Variants in KCMF1 observed in about 807,000 individuals in gnomAD.
KCMF1 encodes E3 ubiquitin-protein ligase KCMF1.
A neutral mutation model predicts 41.1 loss-of-function variants in KCMF1; 3 were observed. That is an observed-to-expected ratio of 0.07 (90% CI 0.03 to 0.19). The LOEUF (loss-of-function observed/expected upper bound fraction) is 0.19, where lower values mean the gene tolerates loss of function less well. Among genes scored for constraint, KCMF1 ranks in the 10% least tolerant of loss-of-function variants. The pLI is 1.00. For synonymous variants in KCMF1, 142 were observed against 164.5 expected, an observed-to-expected ratio of 0.86 and a Z score of 1.04; for missense variants, 286 against 488.9, an observed-to-expected ratio of 0.58 and a Z score of 3.91.
intron 2 of KCMF1, 34 bp from the exon 3 acceptor site, chr2:85,034,982 A>G: frequency 9.7e-6 from 15 of 1,546,402 alleles, no homozygotes; most frequent in Non-Finnish European, 1.3e-5. Context: ...TTAAAAACTA[A>G]TATTCCTCAA....
rs1009576075 is a variant in KCMF1, at chr2:85,017,734, C to T, written c.17-10155C>T. ...TGCCCTTTGTTGACCTTTTCTTTCC[C>T]ATCAACTCTCTATTCCCTAGCTAAA... is the stretch of plus-strand genomic sequence containing the variant. On this transcript the variant is annotated intron_variant, in intron 1 of 6. Coordinates refer to ENST00000409785, the MANE Select transcript of KCMF1 (RefSeq NM_020122.5). Among the ~76,000 whole-genome samples the T allele has an allele frequency of 3.9e-5, 6 of 152,166 alleles. 1 individual carries two copies. The Middle Eastern group carries it at 0.01, about 259-fold the overall frequency.
intron 3 of KCMF1, among the ~76,000 whole-genome samples, chr2:85,036,124 C>T (rs1675396955): frequency 1.3e-5 from 2 of 152,166 alleles, no homozygotes. Context: ...TTTATTCCCA[C>T]TGACACTGCT....
intron 1 of KCMF1, chr2:84,971,881 G>C (rs1265633652): frequency 1.3e-5 from 2 of 151,966 alleles, no homozygotes; most frequent in Non-Finnish European, 2.9e-5. Flanking sequence ...TGTGGTCGCA[G>C]AGCCGGGCCG....
rs966295743 is a variant in KCMF1 at position 85,004,976 on chromosome 2, A to G, written c.17-22913A>G. 2.6e-5 allele frequency among the ~76,000 whole-genome samples: 4 copies of G among 151,746 alleles called. No individual in the cohort carries two copies. In the East Asian group the frequency reaches 7.9e-4, roughly 30 times the overall value. On this transcript the variant is annotated intron_variant, in intron 1 of 6. Transcript: ENST00000409785. ...TCAGCCTCTCAAGTAGCTGGGATTC[A>G]GCTCACTCCAGCCTCCGCCTCCCAG...
chr2:85,014,938 T>C (rs1674734747), intron 1 of KCMF1, among the ~76,000 whole-genome samples: 1 of 151,954 alleles, frequency 6.6e-6, no homozygotes, highest in Admixed American at 6.6e-5. Context: ...TGCCACCTGG[T>C]GGCTTACTCC....
chr2:84,980,324 G>A (rs1033010151), intron 1 of KCMF1, among the ~76,000 whole-genome samples: 8 of 152,196 alleles, frequency 5.3e-5, no homozygotes, highest in African/African-American at 1.9e-4. Context: ...GGCAAGGTGG[G>A]TGTGAAGCTT....
intron 1 of KCMF1, among the ~76,000 whole-genome samples, chr2:84,994,382 A>G (rs1287552906): frequency 6.6e-6 from 1 of 152,116 alleles, no homozygotes; most frequent in Non-Finnish European, 1.5e-5. Flanking sequence ...CAATGTTACT[A>G]TCACACCTCA....
intron 1 of KCMF1, among the ~76,000 whole-genome samples, chr2:85,022,997 C>T (rs149263104): frequency 0.011 from 1,617 of 149,146 alleles, 30 homozygotes; most frequent in African/African-American, 0.037. Flanking sequence ...ACGCCATTCT[C>T]CTGCCTCAGT....
chr2:85,027,822 A>C (rs895346396), intron 1 of KCMF1, 67 bp from the exon 2 acceptor site: 1 of 969,682 alleles, frequency 1.0e-6, no homozygotes, highest in African/African-American at 1.6e-5. Flanking sequence ...CACCTGAAAC[A>C]TTCATAAAAA....
chr2:85,022,588 T>C (rs867687033), intron 1 of KCMF1, among the ~76,000 whole-genome samples: 7 of 152,128 alleles, frequency 4.6e-5, no homozygotes, highest in South Asian at 4.1e-4. Context: ...TTTTTGTTTG[T>C]TTGTTTTTGT....
chr2:85,039,523 G>C (rs1305994980), intron 3 of KCMF1, among the ~76,000 whole-genome samples: 1 of 152,170 alleles, frequency 6.6e-6, no homozygotes, highest in African/African-American at 2.4e-5. Context: ...TATATGTGGA[G>C]TAATGACTTC....
intron 1 of KCMF1, among the ~76,000 whole-genome samples, chr2:84,978,577 C>T (rs1385819378): frequency 6.6e-6 from 1 of 150,786 alleles, no homozygotes; most frequent in Non-Finnish European, 1.5e-5. Flanking sequence ...GACAGAGTCT[C>T]ACTCTGTCAT....
chr2:85,004,178 T>G (rs550217477), intron 1 of KCMF1, among the ~76,000 whole-genome samples: 1 of 152,284 alleles, frequency 6.6e-6, no homozygotes, highest in African/African-American at 2.4e-5. Flanking sequence ...TTTAATATTT[T>G]CAGACCACTG....
At chr2:85,047,792 A>G (rs890549760) in intron 5 of KCMF1, among the ~76,000 whole-genome samples, 5 of 152,222 alleles carry the variant, frequency 3.3e-5, no homozygotes, top group Admixed American at 1.3e-4. Context: ...TAAAGCAACA[A>G]TTCTGAAATG....
In KCMF1 at chr2:85,001,732, ACT is replaced by A. The variant is rs531378370; in HGVS notation, c.17-26156_17-26155del. ...GAGTGATAGTGACTAAATTTATTTTACTGAGTTACAACCTGTAGTTTGAAAAA... is the reference window on the plus strand; with the variant it reads ...GAGTGATAGTGACTAAATTTATTTTAGAGTTACAACCTGTAGTTTGAAAAA... On this transcript the variant is annotated intron_variant, in intron 1 of 6. Coordinates refer to ENST00000409785, the MANE Select transcript of KCMF1 (RefSeq NM_020122.5). 3.2e-3 allele frequency among the ~76,000 whole-genome samples: 493 copies of A among 152,308 alleles called. 2 individuals carry two copies. Among genetic ancestry groups the A allele is most frequent in the Non-Finnish European group, 5.3e-3 (362 of 68,024 alleles).
At chr2:85,024,579 A>T (rs1469655654) in intron 1 of KCMF1, among the ~76,000 whole-genome samples, 3 of 141,190 alleles carry the variant, frequency 2.1e-5, no homozygotes, top group African/African-American at 7.8e-5. Context: ...AGAGAGAGAG[A>T]GAGAGTGTGT....
chr2:84,978,737 T>C (rs781722394), intron 1 of KCMF1, among the ~76,000 whole-genome samples: 4 of 151,394 alleles, frequency 2.6e-5, no homozygotes, highest in Non-Finnish European at 5.9e-5. Flanking sequence ...CTTTTTGAGA[T>C]GGAGTTTCGC....
At chr2:85,047,743 G>C (rs1034824079) in intron 5 of KCMF1, among the ~76,000 whole-genome samples, 10 of 152,030 alleles carry the variant, frequency 6.6e-5, no homozygotes, top group African/African-American at 2.2e-4. Flanking sequence ...GACACACCAA[G>C]CAGACAAGTG....
rs1367390267 is a variant in KCMF1, at chr2:85,008,334, T to TC, written c.17-19555_17-19554insC. On this transcript the variant is annotated intron_variant, in intron 1 of 6. Transcript: ENST00000409785. Reference sequence around the variant, plus strand: ...TGATATATATATCATATATAATATATAATATGATATATAATATATAATATA... The same window carrying TC: ...TGATATATATATCATATATAATATATCAATATGATATATAATATATAATATA... Among the ~76,000 whole-genome samples the TC allele has an allele frequency of 1.9e-4, 19 of 98,792 alleles. 1 individual carries two copies. The highest frequency in any genetic ancestry group is 3.2e-4 in the Admixed American group (3 of 9,342). The allele number at this position is 98,792 out of a possible 152,430, so 64.8% of individuals were successfully genotyped here. A position where few individuals can be genotyped will look rare whatever the true frequency, so the allele number is the denominator to read the frequency against.
Sources: gnomAD v4.1 joint callset for allele counts (sites outside exome capture counted in the v4.1 genomes callset) on GRCh38, gnomAD v4.1.1 for gene constraint, MANE v1.5 for transcripts, NCBI Gene and HGNC (gene_info 2026-07-23, HGNC 2026-07-21) for gene names.